The following ZC4H2 variants were observed in gnomAD, a reference collection of about 807,000 sequenced individuals.
ZC4H2 encodes the protein zinc finger C4H2 domain-containing protein.
For missense variants in ZC4H2, 137 were observed against 173.9 expected (o/e 0.79, Z 1.19); for synonymous variants, 84 against 66.3 (o/e 1.27, Z -1.30).
intron 1 of ZC4H2, among the ~76,000 whole-genome samples, chrX:65,012,417 T>C (rs1349981209): frequency 1.8e-5 from 2 of 111,336 alleles, no homozygotes; most frequent in Non-Finnish European, 1.9e-5. Context: ...GTTATTGTAA[T>C]GATACAGTAG....
chrX:65,002,543 C>A (rs1317518826), intron 1 of ZC4H2, among the ~76,000 whole-genome samples: 13 of 111,847 alleles, frequency 1.2e-4, no homozygotes, highest in Non-Finnish European at 9.4e-5. Flanking sequence ...CCGGCCGCCA[C>A]CCCGTCTGGG....
chrX:64,993,892 G>A (rs977653999), intron 1 of ZC4H2, among the ~76,000 whole-genome samples: 5 of 111,975 alleles, frequency 4.5e-5, no homozygotes, highest in South Asian at 3.7e-4. Flanking sequence ...TTCAACTCTC[G>A]TTTTACAGAT....
intron 1 of ZC4H2, among the ~76,000 whole-genome samples, chrX:64,982,825 T>C (rs1048082646): frequency 3.6e-5 from 4 of 111,504 alleles, no homozygotes; most frequent in African/African-American, 1.3e-4. Flanking sequence ...CAATGAAAAA[T>C]GACACTCATA....
chrX:64,951,390 C>G (rs1346896047), intron 1 of ZC4H2, among the ~76,000 whole-genome samples: 1 of 111,505 alleles, frequency 9.0e-6, no homozygotes, highest in African/African-American at 3.3e-5. Context: ...ACTTCCACAA[C>G]GGTTGAACTA....
rs144184192 is a variant in ZC4H2 at position 64,941,198 on chromosome X, C to T, written c.54-19210G>A. On this transcript the variant is annotated intron_variant, in intron 1 of 4. Coordinates refer to ENST00000374839, the MANE Select transcript of ZC4H2 (RefSeq NM_018684.4). ...ACTCATGATTTGGCTCTCTGTGTGT[C>T]TATTATTGGTGTATAGGAATGCTTG... 9.8e-3 allele frequency among the ~76,000 whole-genome samples: 1,095 copies of T among 111,577 alleles called. 17 individuals are homozygous for T. The highest frequency in any genetic ancestry group is 0.034 in the African/African-American group (1,040 of 30,655).
At chrX:65,020,906 C>G (rs1182928472) in intron 1 of ZC4H2, among the ~76,000 whole-genome samples, 1 of 111,267 alleles carries the variant, frequency 9.0e-6, no homozygotes, top group African/African-American at 3.3e-5. Context: ...AGACTTTAAA[C>G]CAACAAAGCT....
chrX:64,981,379 T>C (rs189190805), upstream of ZC4H2, among the ~76,000 whole-genome samples: 1 of 111,270 alleles, frequency 9.0e-6, no homozygotes, highest in Non-Finnish European at 1.9e-5. Context: ...GGGAAAACTA[T>C]TACAGTTGTC....
chrX:65,028,745 T>G (rs1306566529), intron 1 of ZC4H2, among the ~76,000 whole-genome samples: 3 of 111,568 alleles, frequency 2.7e-5, no homozygotes, highest in Non-Finnish European at 5.6e-5. Context: ...TTGGCCAGGC[T>G]GGTCTCAAAC....
intron 1 of ZC4H2, among the ~76,000 whole-genome samples, chrX:64,973,786 C>A (rs1308650989): frequency 9.0e-6 from 1 of 111,518 alleles, no homozygotes; most frequent in African/African-American, 3.3e-5. Flanking sequence ...ACTTCTTTTC[C>A]TTCAGCACTT....
At chrX:64,918,487 CAATT>C (rs1472294306) in intron 4 of ZC4H2, 1 of 113,434 alleles carries the variant, frequency 8.8e-6, no homozygotes, top group East Asian at 2.8e-4. Flanking sequence ...GACTATTTAC[CAATT>C]GATTAGGACC....
intron 1 of ZC4H2, among the ~76,000 whole-genome samples, chrX:64,955,125 T>C (rs1047081452): frequency 1.8e-5 from 2 of 111,907 alleles, no homozygotes; most frequent in African/African-American, 6.5e-5. Flanking sequence ...TGTGGTGTCT[T>C]CTAAATTCCT....
At chrX:64,995,453 G>A (rs1932394106) in intron 1 of ZC4H2, among the ~76,000 whole-genome samples, 1 of 112,027 alleles carries the variant, frequency 8.9e-6, no homozygotes, top group Non-Finnish European at 1.9e-5. Context: ...TATGCCTCCT[G>A]GGCTAAAGTG....
intron 1 of ZC4H2, among the ~76,000 whole-genome samples, chrX:64,973,891 A>G (rs1356695014): frequency 1.8e-5 from 2 of 110,360 alleles, no homozygotes; most frequent in Non-Finnish European, 3.8e-5. Context: ...AGCTGTTTTG[A>G]AGAAGTTTCC....
chrX:65,013,392 A>T (rs191285326), intron 1 of ZC4H2, among the ~76,000 whole-genome samples: 1 of 111,948 alleles, frequency 8.9e-6, no homozygotes, highest in East Asian at 2.8e-4. Context: ...GGCTAGACTT[A>T]GTGACTTGCT....
intron 1 of ZC4H2, among the ~76,000 whole-genome samples, chrX:64,997,289 A>G (rs916434673): frequency 6.2e-4 from 70 of 112,397 alleles, no homozygotes; most frequent in African/African-American, 2.2e-3. Context: ...ACACACCCAG[A>G]TGAACAAAAG....
intron 1 of ZC4H2, among the ~76,000 whole-genome samples, chrX:65,006,207 G>A (rs1308139077): frequency 9.0e-6 from 1 of 111,521 alleles, no homozygotes; most frequent in Non-Finnish European, 1.9e-5. Flanking sequence ...TTCCATTACT[G>A]GGTATATACC....
intron 1 of ZC4H2, among the ~76,000 whole-genome samples, chrX:64,924,363 A>G (rs552371304): frequency 8.9e-6 from 1 of 112,354 alleles, no homozygotes; most frequent in African/African-American, 3.2e-5. Flanking sequence ...TATTCAGTCA[A>G]TAATTATTTA....
chrX:64,923,271 C>T (rs903742408), intron 1 of ZC4H2, among the ~76,000 whole-genome samples: 3 of 111,636 alleles, frequency 2.7e-5, no homozygotes, highest in Admixed American at 1.9e-4. Context: ...GTTTCAAGGG[C>T]CTTTAATAAC....
chrX:65,020,602 T>C (rs1040237014), intron 1 of ZC4H2, among the ~76,000 whole-genome samples: 1 of 111,527 alleles, frequency 9.0e-6, no homozygotes, highest in African/African-American at 3.3e-5. Flanking sequence ...GTAAAGACCA[T>C]TGACACTCTG....
Sources: allele counts gnomAD v4.1 joint callset (sites outside exome capture counted in the v4.1 genomes callset), GRCh38; gene constraint gnomAD v4.1.1; transcripts MANE v1.5; gene names NCBI Gene and HGNC (gene_info 2026-07-23, HGNC 2026-07-21).